The following ILRUN variants were observed in gnomAD, a reference collection of about 807,000 sequenced individuals.
ILRUN encodes the protein protein ILRUN.
Under a neutral mutation model 33.8 loss-of-function variants are expected in ILRUN, and 3 were observed. The observed-to-expected ratio is 0.09, with a 90% confidence interval of 0.04 to 0.23. The LOEUF (loss-of-function observed/expected upper bound fraction) is 0.23. Among genes scored for constraint, ILRUN ranks in the 10% least tolerant of loss-of-function variants. The pLI is 1.00. For missense variants in ILRUN, 210 were observed against 375.1 expected (o/e 0.56, Z 3.64); for synonymous variants, 124 against 138.9 (o/e 0.89, Z 0.75).
intron 4 of ILRUN, among the ~76,000 whole-genome samples, chr6:34,598,523 G>A (rs1761447206): frequency 6.6e-6 from 1 of 152,146 alleles, no homozygotes; most frequent in Non-Finnish European, 1.5e-5. Context: ...TCAGAGTATG[G>A]GGAAGAGAAT....
chr6:34,610,079 T>C (rs913859430), intron 3 of ILRUN, among the ~76,000 whole-genome samples: 2 of 150,402 alleles, frequency 1.3e-5, no homozygotes, highest in East Asian at 3.9e-4. Flanking sequence ...GAGAATGGCA[T>C]GAACCCGGGA....
chr6:34,662,061 C>A (rs1440794244), intron 1 of ILRUN, among the ~76,000 whole-genome samples: 1 of 137,968 alleles, frequency 7.2e-6, no homozygotes, highest in Non-Finnish European at 1.5e-5. Flanking sequence ...GGAGGCGGAG[C>A]TTGCAGTGAG....
chr6:34,657,355 G>A (rs1380341421), intron 1 of ILRUN, among the ~76,000 whole-genome samples: 2 of 152,124 alleles, frequency 1.3e-5, no homozygotes, highest in East Asian at 3.8e-4. Context: ...CATCAGGATA[G>A]GACTTTAAGA....
Position 34,591,808 on chromosome 6 carries a change from T to A in ILRUN, c.862-1208A>T, listed in dbSNP as rs185592713. Among the ~76,000 whole-genome samples the A allele has an allele frequency of 3.0e-3, 451 of 152,212 alleles. 2 individuals carry two copies. Among genetic ancestry groups the A allele is most frequent in the African/African-American group, 9.6e-3 (399 of 41,536 alleles). ...CTGGCCAATCCTGTCTCAAGCTTTT[T>A]AAAAAAATCACGTGGTAAGAGGCAG... is the stretch of plus-strand genomic sequence containing the variant. On this transcript the variant is annotated intron_variant, in intron 4 of 4. Transcript: ENST00000374023.
intron 3 of ILRUN, among the ~76,000 whole-genome samples, chr6:34,625,644 C>T (rs1019536083): frequency 1.3e-5 from 2 of 152,176 alleles, no homozygotes; most frequent in African/African-American, 4.8e-5. Context: ...GTGTACTAGT[C>T]ATGCTTAACC....
intron 3 of ILRUN, among the ~76,000 whole-genome samples, chr6:34,643,028 G>A (rs1762503782): frequency 6.6e-6 from 1 of 151,608 alleles, no homozygotes; most frequent in South Asian, 2.1e-4. Flanking sequence ...AGGCGCAGTG[G>A]CTCACATCTG....
intron 4 of ILRUN, among the ~76,000 whole-genome samples, chr6:34,596,435 G>T (rs778377661): frequency 1.3e-5 from 2 of 152,126 alleles, no homozygotes; most frequent in African/African-American, 2.4e-5. Context: ...TCCTGCCTCA[G>T]CCTCCCAAGT....
rs562890436 is a variant in ILRUN at position 34,647,158 on chromosome 6, G to A, written c.314-360C>T. Among the ~76,000 whole-genome samples the A allele has an allele frequency of 9.2e-5, 14 of 152,280 alleles. No homozygotes were observed. The South Asian group carries it at 2.9e-3, about 32-fold the overall frequency. On this transcript the variant is annotated intron_variant, in intron 2 of 4. Transcript: ENST00000374023. Reference sequence around the variant, plus strand: ...ATGAAGCACAGGCCCACGTTTAGGGGACAGCTCTCTCTACTAAAAGGTAAC... The same window carrying A: ...ATGAAGCACAGGCCCACGTTTAGGGAACAGCTCTCTCTACTAAAAGGTAAC...
chr6:34,608,196 C>T (rs1481157157), intron 3 of ILRUN, among the ~76,000 whole-genome samples: 1 of 152,010 alleles, frequency 6.6e-6, no homozygotes, highest in South Asian at 2.1e-4. Flanking sequence ...AAGTTCGAGA[C>T]CAGCCTGGCC....
intron 2 of ILRUN, among the ~76,000 whole-genome samples, chr6:34,648,151 ACTC>A (rs1436169800): frequency 1.3e-5 from 2 of 152,124 alleles, no homozygotes; most frequent in Non-Finnish European, 1.5e-5. Flanking sequence ...CAATTGATAT[ACTC>A]CTTTTTAACT....
At chr6:34,640,716 T>C (rs1762457746) in intron 3 of ILRUN, among the ~76,000 whole-genome samples, 1 of 94,528 alleles carries the variant, frequency 1.1e-5, no homozygotes, top group Non-Finnish European at 2.0e-5. Context: ...CTCAAATAAA[T>C]GAATGAATGA....
chr6:34,618,372 T>C (rs1027650396), intron 3 of ILRUN, among the ~76,000 whole-genome samples: 1 of 152,206 alleles, frequency 6.6e-6, no homozygotes, highest in Admixed American at 6.5e-5. Flanking sequence ...TAGCCATCTA[T>C]TACTGAGAAT....
chr6:34,632,317 T>C (rs1425825883), intron 3 of ILRUN, among the ~76,000 whole-genome samples: 3 of 152,004 alleles, frequency 2.0e-5, no homozygotes, highest in Non-Finnish European at 2.9e-5. Flanking sequence ...GGCACACGCC[T>C]ATAGTCCTAG....
intron 3 of ILRUN, among the ~76,000 whole-genome samples, chr6:34,624,386 T>C (rs1236959259): frequency 6.6e-6 from 1 of 152,092 alleles, no homozygotes; most frequent in East Asian, 1.9e-4. Context: ...CACAATAGTG[T>C]GATGTCGGCT....
chr6:34,593,720 AC>A lies in ILRUN; in HGVS notation c.862-3121del, dbSNP rs528532468. ...TTGATGAACAAGCTCTATTTTTCTTACCCCCAAATTAATTACCATCACTTCA... is the reference window on the plus strand; with the variant it reads ...TTGATGAACAAGCTCTATTTTTCTTACCCCAAATTAATTACCATCACTTCA... On this transcript the variant is annotated intron_variant, in intron 4 of 4. Transcript: ENST00000374023. 3.2e-4 allele frequency among the ~76,000 whole-genome samples: 49 copies of A among 152,166 alleles called. No individual in the cohort carries two copies. The South Asian group carries it at 7.7e-3, about 24-fold the overall frequency.
intron 3 of ILRUN, among the ~76,000 whole-genome samples, chr6:34,638,896 C>A (rs1369878746): frequency 6.6e-6 from 1 of 151,942 alleles, no homozygotes; most frequent in Non-Finnish European, 1.5e-5. Flanking sequence ...GGCAAAAGGG[C>A]AAGATAACTG....
chr6:34,674,155 T>C (rs918876551), intron 1 of ILRUN, among the ~76,000 whole-genome samples: 2 of 151,874 alleles, frequency 1.3e-5, no homozygotes, highest in Non-Finnish European at 2.9e-5. Context: ...GCCTCCGGAG[T>C]AGCTGGGATT....
At position 34,614,668 on chromosome 6, in the gene ILRUN, G is replaced by A. The variant is rs549482859; in HGVS notation, c.512-7764C>T. On this transcript the variant is annotated intron_variant, in intron 3 of 4. Transcript: ENST00000374023. ...TCTCCCATTCCCTCCTTGAGAGTGG[G>A]CTAGCCTTGTGATTCGCTTCCAAAA... Among the ~76,000 whole-genome samples the A allele has an allele frequency of 2.6e-5, 4 of 151,648 alleles. No homozygotes were observed. In the South Asian group the frequency reaches 6.3e-4, roughly 24 times the overall value.
At chr6:34,629,886 G>A (rs568017202) in intron 3 of ILRUN, among the ~76,000 whole-genome samples, 17 of 152,266 alleles carry the variant, frequency 1.1e-4, no homozygotes, top group African/African-American at 4.1e-4. Flanking sequence ...CCCAATGGAT[G>A]CCTGAAAGTA....
Sources: gnomAD v4.1 joint callset for allele counts (sites outside exome capture counted in the v4.1 genomes callset) on GRCh38, gnomAD v4.1.1 for gene constraint, MANE v1.5 for transcripts, NCBI Gene and HGNC (gene_info 2026-07-23, HGNC 2026-07-21) for gene names.